Variants in BAHCC1 observed in about 807,000 individuals in gnomAD.
BAHCC1 encodes the protein BAH domain and coiled-coil containing 1.
BAHCC1 carries 43 observed loss-of-function variants against 88.2 expected under a neutral mutation model. The ratio of observed to expected loss-of-function variants is 0.49; its 90% CI spans 0.38 to 0.63. BAHCC1 has a LOEUF of 0.63. BAHCC1 is among the 20% of genes least tolerant of loss of function. The pLI is 0.00. For synonymous variants in BAHCC1, 1,510 were observed against 745.5 expected (o/e 2.03, Z -16.71); for missense variants, 3,023 against 1,654.8 (o/e 1.83, Z -14.34).
chr17:81,445,060 G>A lies in BAHCC1; in HGVS notation c.2717G>A (p.Gly906Asp), dbSNP rs553180909. Residue 906 changes from glycine to aspartate, a missense_variant, in exon 9 of 28, where the codon GGC (glycine) becomes GAC (aspartate). By Grantham distance (94) the Gly-to-Asp change is moderately conservative. Coordinates refer to ENST00000675386, the MANE Select transcript of BAHCC1 (RefSeq NM_001377448.1). ...QASLWPPMYG[G>D]RGPASHMQHP... Reference sequence around the variant, plus strand: ...TCACTGTGGCCCCCCATGTACGGGGGCCGGGGCCCCGCCTCTCACATGCAG... The same window carrying A: ...TCACTGTGGCCCCCCATGTACGGGGACCGGGGCCCCGCCTCTCACATGCAG... The A allele has an allele frequency of 1.3e-6, 1 of 765,166 alleles. No homozygotes were observed. The highest frequency in any genetic ancestry group is 2.4e-6 in the Non-Finnish European group (1 of 412,844). 47.4% of individuals were successfully genotyped at this position (765,166 alleles called of 1,614,324 possible). A position where few individuals can be genotyped will look rare whatever the true frequency, so the allele number is the denominator to read the frequency against.
intron 1 of BAHCC1, among the ~76,000 whole-genome samples, chr17:81,398,989 T>C (rs1193419512): frequency 1.3e-5 from 2 of 150,662 alleles, no homozygotes; most frequent in Non-Finnish European, 3.0e-5. Flanking sequence ...TTAATTAGCA[T>C]GGTTATTCGG....
chr17:81,457,143 G>A (rs2064764475), intron 16 of BAHCC1, among the ~76,000 whole-genome samples: 1 of 152,152 alleles, frequency 6.6e-6, no homozygotes, highest in African/African-American at 2.4e-5. Flanking sequence ...CTGGGGAGGG[G>A]GCCCCAGCCC....
intron 2 of BAHCC1, among the ~76,000 whole-genome samples, chr17:81,406,414 C>T (rs939940433): frequency 5.3e-5 from 8 of 152,196 alleles, no homozygotes; most frequent in African/African-American, 1.4e-4. Flanking sequence ...TGGGGTTCCC[C>T]GGTCCCCATT....
Position 81,443,364 on chromosome 17 carries a change from C to T in BAHCC1, c.2015C>T (p.Ser672Phe), listed in dbSNP as rs1278324287. 1.3e-6 allele frequency: 1 copy of T among 777,772 alleles called. No homozygotes were observed. Among genetic ancestry groups the T allele is most frequent in the Non-Finnish European group, 2.4e-6 (1 of 417,184 alleles). The allele number at this position is 777,772 out of a possible 1,614,324, so 48.2% of individuals were successfully genotyped here. The change falls in exon 5 of 28, where the codon TCT becomes TTT. Residue 672 changes from serine to phenylalanine, a missense_variant. Ser to Phe is a radical substitution (Grantham distance 155). Transcript: ENST00000675386. ...CIQQEAKFLS[S>F]KGPGQSERPD... is the part of the protein sequence containing the mutation. The stretch of plus-strand genomic sequence containing the variant: ...CAGCAGGAAGCAAAGTTCCTGTCCT[C>T]TAAGGGCCCAGGCCAGTCGGAGAGG...
chr17:81,408,773 C>T (rs371906333), intron 2 of BAHCC1, among the ~76,000 whole-genome samples: 2 of 152,200 alleles, frequency 1.3e-5, no homozygotes, highest in African/African-American at 2.4e-5. Flanking sequence ...GCCCAGCCCC[C>T]CTGGCTGGCT....
chr17:81,407,649 C>T (rs1217859252), intron 2 of BAHCC1, among the ~76,000 whole-genome samples: 1 of 152,234 alleles, frequency 6.6e-6, no homozygotes, highest in African/African-American at 2.4e-5. Flanking sequence ...TGCCGCCTGG[C>T]AGGGGTTTCC....
intron 14 of BAHCC1, among the ~76,000 whole-genome samples, chr17:81,454,741 TCAGA>T (rs1467331988): frequency 2.6e-5 from 4 of 151,888 alleles, no homozygotes; most frequent in Non-Finnish European, 4.4e-5. Context: ...TGCCCCAGAC[TCAGA>T]CAGGCACATG....
At chr17:81,415,027 C>T (rs1466876393) in intron 2 of BAHCC1, among the ~76,000 whole-genome samples, 6 of 152,172 alleles carry the variant, frequency 3.9e-5, no homozygotes, top group African/African-American at 1.2e-4. Flanking sequence ...GCACTCTGCA[C>T]GTTTGCCCCC....
rs1445214471 is a variant in BAHCC1 at position 81,399,097 on chromosome 17, G to T, written c.-206-437G>T. 2 of 234,606 alleles carry T rather than the reference G, an allele frequency of 8.5e-6. No individual in the cohort carries two copies. Among genetic ancestry groups the T allele is most frequent in the Non-Finnish European group, 1.9e-5 (2 of 105,736 alleles). The allele number at this position is 234,606 out of a possible 1,614,324, so 14.5% of individuals were successfully genotyped here. A position where few individuals can be genotyped will look rare whatever the true frequency, so the allele number is the denominator to read the frequency against. On this transcript the variant is annotated intron_variant, in intron 1 of 27. Coordinates refer to ENST00000675386, the MANE Select transcript of BAHCC1 (RefSeq NM_001377448.1). This position sits in a 1 kb window ranked among gnomAD's most constrained non-coding sequence, Gnocchi z 4.5. Reference sequence around the variant, plus strand: ...GCCTTTTCCTCCGAGACACCTTTGGGCAGCGGGGGAGGGGAGAGGGTGTGC... The same window carrying T: ...GCCTTTTCCTCCGAGACACCTTTGGTCAGCGGGGGAGGGGAGAGGGTGTGC...
Position 81,461,639 on chromosome 17 carries a change from T to A in BAHCC1, c.6976T>A (p.Ser2326Thr), listed in dbSNP as rs868926891. The change falls in exon 26 of 28, where the codon TCC becomes ACC. Residue 2326 changes from serine to threonine, a missense_variant. Transcript: ENST00000675386. Reference sequence around the variant, plus strand: ...CTCTTCCTCCTCTGGCTCGTCCACCTCCTCCTCCTCAGGCTCCGTGTCCAC... The same window carrying A: ...CTCTTCCTCCTCTGGCTCGTCCACCACCTCCTCCTCAGGCTCCGTGTCCAC... ...VSSSSSGSSTSSSSGSVSTSS... is the reference protein window; with the variant it reads ...VSSSSSGSSTTSSSGSVSTSS... 4.1e-6 allele frequency: 3 copies of A among 737,026 alleles called. No homozygotes were observed. Among genetic ancestry groups the A allele is most frequent in the East Asian group, 2.5e-5 (1 of 39,320 alleles). 45.7% of individuals were successfully genotyped at this position (737,026 alleles called of 1,614,324 possible). A position where few individuals can be genotyped will look rare whatever the true frequency, so the allele number is the denominator to read the frequency against.
chr17:81,440,763 C>G (rs569686673), intron 4 of BAHCC1, among the ~76,000 whole-genome samples: 4 of 152,354 alleles, frequency 2.6e-5, no homozygotes, highest in African/African-American at 7.2e-5. Context: ...ACTCACCCCC[C>G]ACCAGGCAGG....
intron 2 of BAHCC1, chr17:81,422,078 C>G: frequency 3.9e-6 from 1 of 255,334 alleles, no homozygotes; most frequent in South Asian, 3.0e-5. Flanking sequence ...GTGGAACAAT[C>G]TCTGCTCACT....
At chr17:81,412,669 C>T (rs1019282499) in intron 2 of BAHCC1, among the ~76,000 whole-genome samples, 3 of 152,172 alleles carry the variant, frequency 2.0e-5, no homozygotes, top group Non-Finnish European at 4.4e-5. Flanking sequence ...CCCGGGGGCT[C>T]TTTCCCCGTC....
In BAHCC1 at chr17:81,399,822, C is replaced by A. The variant is rs1555645703; in HGVS notation, c.83C>A (p.Ala28Glu). ...SLGHRSAAAA[A>E]RLAPAGPAAQ... Reference sequence around the variant, plus strand: ...GGCCACCGCAGCGCCGCTGCCGCCGCGCGTCTCGCCCCGGCTGGGCCCGCC... The same window carrying A: ...GGCCACCGCAGCGCCGCTGCCGCCGAGCGTCTCGCCCCGGCTGGGCCCGCC... The change falls in exon 2 of 28, where the codon GCG becomes GAG. Residue 28 changes from alanine (A) to glutamate (E), a missense_variant. Ala to Glu is a moderately radical substitution (Grantham distance 107). Coordinates refer to ENST00000675386, the MANE Select transcript of BAHCC1 (RefSeq NM_001377448.1). The surrounding 1 kb of genome is among the most constrained non-coding windows in gnomAD (Gnocchi z 4.5). 5 of 1,327,228 alleles carry A rather than the reference C, an allele frequency of 3.8e-6. No homozygotes were observed. Among genetic ancestry groups the A allele is most frequent in the South Asian group, 2.0e-5 (1 of 50,930 alleles). 82.2% of individuals were successfully genotyped at this position (1,327,228 alleles called of 1,614,324 possible).
chr17:81,397,293 G>T (rs2063755478), intron 1 of BAHCC1: 1 of 152,016 alleles, frequency 6.6e-6, no homozygotes, highest in African/African-American at 2.4e-5. Context: ...CGATCCGCCC[G>T]CAGGGGGTGG....
At chr17:81,452,260 C>G (rs1424285934) in intron 13 of BAHCC1, among the ~76,000 whole-genome samples, 153 bp downstream of exon 13, 1 of 152,144 alleles carries the variant, frequency 6.6e-6, no homozygotes, top group African/African-American at 2.4e-5. Context: ...GGAGGCCCCC[C>G]AGAGGCAGTG....
chr17:81,452,937 G>A, intron 14 of BAHCC1, 86 bp downstream of exon 14: 1 of 621,248 alleles, frequency 1.6e-6, no homozygotes, highest in South Asian at 1.8e-5. Flanking sequence ...GCTCCCCTGA[G>A]GCTTCCAGGC....
chr17:81,440,224 A>G (rs1238337481), intron 4 of BAHCC1, among the ~76,000 whole-genome samples: 2 of 152,146 alleles, frequency 1.3e-5, no homozygotes, highest in African/African-American at 4.8e-5. Context: ...TTATTTTGAC[A>G]GTGTTTGTCA....
At chr17:81,452,653 C>G (rs1271971661) in intron 13 of BAHCC1, 70 bp from the exon 14 acceptor site, 1 of 640,134 alleles carries the variant, frequency 1.6e-6, no homozygotes, top group East Asian at 3.0e-5. Flanking sequence ...AGGCCAATGC[C>G]CTCGGCTGGA....
Sources: gnomAD v4.1 joint callset for allele counts (sites outside exome capture counted in the v4.1 genomes callset) on GRCh38, gnomAD v4.1.1 for gene constraint, Gnocchi (gnomAD v3.1) non-coding constraint, MANE v1.5 for transcripts, NCBI Gene and HGNC (gene_info 2026-07-23, HGNC 2026-07-21) for gene names.